The following FGF12 variants were observed in gnomAD, a reference collection of about 807,000 sequenced individuals.
FGF12 encodes fibroblast growth factor 12B.
FGF12 carries 14 observed loss-of-function variants against 23.6 expected under a neutral mutation model. The ratio of observed to expected loss-of-function variants is 0.59; its 90% CI spans 0.39 to 0.93. FGF12 has a LOEUF of 0.93. FGF12 is among the 40% of genes least tolerant of loss of function. The pLI, the probability that FGF12 is intolerant of heterozygous loss-of-function variation, is 0.00. For synonymous variants in FGF12, 62 were observed against 77.3 expected, an observed-to-expected ratio of 0.80 and a Z score of 1.04; for missense variants, 175 against 217.8, an observed-to-expected ratio of 0.80 and a Z score of 1.24.
At chr3:192,461,166 T>C (rs1722850970) in intron 2 of FGF12, among the ~76,000 whole-genome samples, 1 of 147,424 alleles carries the variant, frequency 6.8e-6, no homozygotes, top group African/African-American at 2.7e-5. Context: ...AAATGAACAT[T>C]GTAAAACATT....
At chr3:192,145,926 T>TA (rs35518657) in intron 5 of FGF12, among the ~76,000 whole-genome samples, 66 of 151,592 alleles carry the variant, frequency 4.4e-4, no homozygotes, top group African/African-American at 1.5e-3. Context: ...CTTTCTATTA[T>TA]AAAAAAAATT....
At chr3:192,605,390 A>C (rs1450538523) in intron 2 of FGF12, among the ~76,000 whole-genome samples, 4 of 152,056 alleles carry the variant, frequency 2.6e-5, no homozygotes, top group African/African-American at 7.2e-5. Flanking sequence ...AAAAAAAAAA[A>C]AAAAAATCCT....
rs145141292 is a variant in FGF12 at position 192,515,705 on chromosome 3, C to T, written c.14-155167G>A. Among the ~76,000 whole-genome samples the T allele has an allele frequency of 6.4e-3, 982 of 152,252 alleles. 13 individuals carry two copies. The highest frequency in any genetic ancestry group is 0.023 in the African/African-American group (955 of 41,556). On this transcript the variant is annotated intron_variant, in intron 2 of 5. Coordinates refer to ENST00000445105, the MANE Select transcript of FGF12 (RefSeq NM_004113.6). ...GCAGGTGAGGCGAGAAATCTGAAGA[C>T]AAAAGAGCGCTTCGCTTTGGCGCCA...
intron 2 of FGF12, among the ~76,000 whole-genome samples, chr3:192,433,134 T>C (rs886729755): frequency 3.3e-5 from 5 of 152,194 alleles, no homozygotes; most frequent in African/African-American, 9.6e-5. Context: ...CATTTTTAGA[T>C]TCATTGTCTT....
chr3:192,717,723 G>A (rs768311175), intron 2 of FGF12, among the ~76,000 whole-genome samples: 11 of 152,108 alleles, frequency 7.2e-5, no homozygotes, highest in Admixed American at 3.9e-4. Flanking sequence ...TCTACTATTT[G>A]CCAATGACCA....
At chr3:192,565,329 T>G (rs1051345436) in intron 2 of FGF12, among the ~76,000 whole-genome samples, 1 of 152,220 alleles carries the variant, frequency 6.6e-6, no homozygotes, top group Non-Finnish European at 1.5e-5. Context: ...TCTATCAGAG[T>G]GCTAATAATA....
chr3:192,712,904 G>A (rs1185434704), intron 2 of FGF12, among the ~76,000 whole-genome samples: 1 of 152,090 alleles, frequency 6.6e-6, no homozygotes, highest in Non-Finnish European at 1.5e-5. Context: ...GGTGCACATA[G>A]CACCCAGTCA....
intron 2 of FGF12, among the ~76,000 whole-genome samples, chr3:192,681,194 A>T (rs958664001): frequency 6.6e-5 from 10 of 152,240 alleles, no homozygotes; most frequent in Admixed American, 6.5e-5. Context: ...TGCAGAAGAT[A>T]AGAGGTGAGG....
chr3:192,370,481 T>G (rs923137248), intron 2 of FGF12, among the ~76,000 whole-genome samples: 2 of 152,184 alleles, frequency 1.3e-5, no homozygotes, highest in African/African-American at 2.4e-5. Flanking sequence ...AGTTCAAGGC[T>G]GCAGTGAGCT....
chr3:192,575,080 A>G (rs1463969676), intron 2 of FGF12, among the ~76,000 whole-genome samples: 1 of 152,254 alleles, frequency 6.6e-6, no homozygotes, highest in African/African-American at 2.4e-5. Context: ...CTATTATTAT[A>G]TATAACATGC....
Position 192,227,812 on chromosome 3 carries a change from G to A in FGF12, c.229-57156C>T, listed in dbSNP as rs1718818712. Among the ~76,000 whole-genome samples the A allele has an allele frequency of 1.3e-5, 2 of 152,078 alleles. 1 individual carries two copies. The highest frequency in any genetic ancestry group is 4.1e-4 in the South Asian group (2 of 4,826). Reference sequence around the variant, plus strand: ...TGATTTTCCATTTGTGCTCAAAACAGAAGCAACTTCAGCAAAAAATAGAAT... The same window carrying A: ...TGATTTTCCATTTGTGCTCAAAACAAAAGCAACTTCAGCAAAAAATAGAAT... On this transcript the variant is annotated intron_variant, in intron 4 of 5. Coordinates refer to ENST00000445105, the MANE Select transcript of FGF12 (RefSeq NM_004113.6).
At chr3:192,415,732 T>TCTCATACATACACA (rs369293180) in intron 2 of FGF12, among the ~76,000 whole-genome samples, 2 of 117,948 alleles carry the variant, frequency 1.7e-5, no homozygotes, top group African/African-American at 6.4e-5. Flanking sequence ...TCTCTCTCTC[T>TCTCATACATACACA]CACACACACA....
At chr3:192,614,096 A>T (rs570916695) in intron 2 of FGF12, among the ~76,000 whole-genome samples, 1 of 151,926 alleles carries the variant, frequency 6.6e-6, no homozygotes, top group Non-Finnish European at 1.5e-5. Context: ...TTGCTCCAGG[A>T]GTATGAGGGG....
intron 2 of FGF12, among the ~76,000 whole-genome samples, chr3:192,538,258 T>C (rs1031258560): frequency 2.0e-4 from 28 of 139,324 alleles, no homozygotes; most frequent in Non-Finnish European, 3.4e-4. Context: ...TTTAATCCGT[T>C]TTTTTTCTTT....
intron 2 of FGF12, among the ~76,000 whole-genome samples, chr3:192,647,537 T>TA (rs2108672833): frequency 6.6e-6 from 1 of 151,816 alleles, no homozygotes; most frequent in South Asian, 2.1e-4. Flanking sequence ...CAGGAAGTAT[T>TA]AAAAAAAGTG....
chr3:192,660,254 G>T (rs889409861), intron 2 of FGF12, among the ~76,000 whole-genome samples: 3 of 150,550 alleles, frequency 2.0e-5, no homozygotes, highest in African/African-American at 7.3e-5. Flanking sequence ...GCAAACTATC[G>T]CAAGGACAAA....
chr3:192,720,276 C>A (rs1718997768), intron 2 of FGF12, among the ~76,000 whole-genome samples: 1 of 152,180 alleles, frequency 6.6e-6, no homozygotes, highest in Admixed American at 6.5e-5. Flanking sequence ...GGGCTTGTTT[C>A]AGGTAAAAAG....
intron 4 of FGF12, among the ~76,000 whole-genome samples, chr3:192,216,208 TA>T: frequency 6.6e-6 from 1 of 152,336 alleles, no homozygotes; most frequent in East Asian, 1.9e-4. Flanking sequence ...TCCAAGTGAC[TA>T]TTTCTTTTAT....
intron 4 of FGF12, among the ~76,000 whole-genome samples, chr3:192,263,992 A>C (rs1275159537): frequency 2.0e-5 from 3 of 152,082 alleles, no homozygotes; most frequent in Admixed American, 2.0e-4. Flanking sequence ...AATTAAAGCA[A>C]ACTTTCCTTA....
Sources: gnomAD v4.1 joint callset for allele counts (sites outside exome capture counted in the v4.1 genomes callset) on GRCh38, gnomAD v4.1.1 for gene constraint, MANE v1.5 for transcripts, NCBI Gene and HGNC (gene_info 2026-07-23, HGNC 2026-07-21) for gene names.